The following PPP2R5C variants were observed in gnomAD, a reference collection of about 807,000 sequenced individuals.
PPP2R5C encodes the protein serine/threonine-protein phosphatase 2A 56 kDa regulatory subunit gamma isoform.
Under a neutral mutation model 68.9 loss-of-function variants are expected in PPP2R5C, and 7 were observed. The observed-to-expected ratio is 0.10, with a 90% CI of 0.06 to 0.19. The LOEUF (loss-of-function observed/expected upper bound fraction) is 0.19. PPP2R5C is among the 10% of genes least tolerant of loss of function. PPP2R5C has a pLI of 1.00. For missense variants in PPP2R5C, 348 were observed against 641.3 expected (o/e 0.54, Z 4.94); for synonymous variants, 210 against 222.2 (o/e 0.95, Z 0.49).
intron 3 of PPP2R5C, 65 bp from the exon 6 acceptor site, chr14:101,883,190 TGG>T: frequency 9.0e-7 from 1 of 1,115,884 alleles, no homozygotes; most frequent in Non-Finnish European, 1.3e-6. Context: ...ATTCAATTTC[TGG>T]TATATTTTAA....
chr14:101,911,357 T>C (rs999211187), intron 11 of PPP2R5C, among the ~76,000 whole-genome samples: 2 of 152,186 alleles, frequency 1.3e-5, no homozygotes, highest in Non-Finnish European at 2.9e-5. Context: ...CTAAGTGAAC[T>C]ATAGAGCATG....
intron 1 of PPP2R5C, among the ~76,000 whole-genome samples, chr14:101,831,333 A>G (rs1169099123): frequency 1.3e-5 from 2 of 152,224 alleles, no homozygotes; most frequent in African/African-American, 2.4e-5. Flanking sequence ...AAAGAATTTG[A>G]TAAGGCTTAA....
intron 2 of PPP2R5C, among the ~76,000 whole-genome samples, chr14:101,770,466 C>A (rs1198536897): frequency 6.6e-6 from 1 of 152,166 alleles, no homozygotes; most frequent in African/African-American, 2.4e-5. Context: ...GTGGATGGGA[C>A]AAGATGGAAC....
chr14:101,848,205 T>C (rs2041954716), intron 1 of PPP2R5C, among the ~76,000 whole-genome samples: 1 of 152,156 alleles, frequency 6.6e-6, no homozygotes, highest in Admixed American at 6.5e-5. Flanking sequence ...CTTAAATTCT[T>C]CAGCATGACA....
chr14:101,819,054 G>T, intron 1 of PPP2R5C: 5 of 1,551,460 alleles, frequency 3.2e-6, no homozygotes, highest in Non-Finnish European at 4.4e-6. Flanking sequence ...CTGAGTTGCT[G>T]GTTCTTATTT....
intron 5 of PPP2R5C, among the ~76,000 whole-genome samples, chr14:101,887,521 C>A (rs922124005): frequency 2.0e-5 from 3 of 152,212 alleles, no homozygotes; most frequent in Non-Finnish European, 2.9e-5. Flanking sequence ...CGGTTCTGCT[C>A]CGTGGCGTGT....
At chr14:101,876,048 G>T (rs1414020068) in intron 2 of PPP2R5C, among the ~76,000 whole-genome samples, 2 of 152,146 alleles carry the variant, frequency 1.3e-5, no homozygotes, top group Non-Finnish European at 2.9e-5. Context: ...TCATATTTTT[G>T]ATATTTGCAT....
intron 2 of PPP2R5C, chr14:101,765,049 G>A: frequency 1.6e-6 from 1 of 644,902 alleles, no homozygotes; most frequent in South Asian, 1.7e-5. Flanking sequence ...TCACTACTAT[G>A]TGAAATGTGT....
chr14:101,913,891 AAC>A lies in PPP2R5C; in HGVS notation c.1326+1429_1326+1430del, dbSNP rs202126958. Among the ~76,000 whole-genome samples the A allele has an allele frequency of 7.7e-3, 1,169 of 152,032 alleles. 10 individuals carry two copies. The highest frequency in any genetic ancestry group is 0.014 in the Middle Eastern group (4 of 294). On this transcript the variant is annotated intron_variant, in intron 12 of 13. Transcript: ENST00000334743. The surrounding 1 kb of genome is among the most constrained non-coding windows in gnomAD (Gnocchi z 4.1). ...AGAAATGAATACACACACACACACAAACACACACACACGAATCAGAAGGTCTG... is the reference window on the plus strand; with the variant it reads ...AGAAATGAATACACACACACACACAAACACACACACGAATCAGAAGGTCTG...
chr14:101,780,906 C>T (rs757564182), intron 2 of PPP2R5C, among the ~76,000 whole-genome samples: 4 of 152,188 alleles, frequency 2.6e-5, no homozygotes, highest in Non-Finnish European at 4.4e-5. Context: ...GACCCAGAGT[C>T]CAGGGACTGA....
At chr14:101,814,581 C>A (rs1382102273) in intron 1 of PPP2R5C, among the ~76,000 whole-genome samples, 1 of 152,206 alleles carries the variant, frequency 6.6e-6, no homozygotes, top group Non-Finnish European at 1.5e-5. Flanking sequence ...CAGCTTGGGT[C>A]TAATGTCTGC....
At chr14:101,925,307 G>A (rs777704707) in exon 14 of PPP2R5C, 3 of 1,607,278 alleles carry the variant, frequency 1.9e-6, no homozygotes, top group Non-Finnish European at 2.5e-6. Context: ...GGGCCCGCCA[G>A]TTCTTTTCCG....
At position 101,856,988 on chromosome 14, in the gene PPP2R5C, C is replaced by G. The variant is rs1016735397; in HGVS notation, c.294+103C>G. 2.7e-6 allele frequency: 3 copies of G among 1,105,526 alleles called. No individual in the cohort carries two copies. In the African/African-American group the frequency reaches 4.8e-5, roughly 18 times the overall value. The allele number at this position is 1,105,526 out of a possible 1,614,324, so 68.5% of individuals were successfully genotyped here. ...CAGTGCTACCCAGGAGAAGAATCCT[C>G]CTGTTCCAGAATTTGTAGTTGTGCT... On this transcript the variant is annotated intron_variant, in intron 2 of 13. Coordinates refer to ENST00000334743, the Ensembl canonical transcript of PPP2R5C.
At chr14:101,763,543 C>T (rs528541611) in intron 2 of PPP2R5C, among the ~76,000 whole-genome samples, 7 of 152,176 alleles carry the variant, frequency 4.6e-5, no homozygotes, top group Non-Finnish European at 8.8e-5. Flanking sequence ...CTACCACGCC[C>T]GGCTAATTTT....
intron 1 of PPP2R5C, among the ~76,000 whole-genome samples, chr14:101,856,180 C>T (rs1365363582): frequency 6.6e-6 from 1 of 152,198 alleles, no homozygotes; most frequent in Admixed American, 6.5e-5. Context: ...TGGACAACCA[C>T]CTGCCCTTCC....
At chr14:101,908,955 G>A (rs530541548) in intron 10 of PPP2R5C, among the ~76,000 whole-genome samples, 4 of 152,274 alleles carry the variant, frequency 2.6e-5, no homozygotes, top group East Asian at 1.9e-4. Flanking sequence ...ACAGTCCTGC[G>A]GGTCGAGCAG....
At chr14:101,923,879 C>T (rs1054643544) in intron 13 of PPP2R5C, among the ~76,000 whole-genome samples, 1 of 117,876 alleles carries the variant, frequency 8.5e-6, no homozygotes, top group Non-Finnish European at 1.8e-5. Context: ...ACATCCATGT[C>T]AAAATCAGAC....
At chr14:101,903,069 C>G (rs1254540134) in intron 9 of PPP2R5C, among the ~76,000 whole-genome samples, 3 of 139,284 alleles carry the variant, frequency 2.2e-5, no homozygotes, top group African/African-American at 8.1e-5. Flanking sequence ...TAATGTTTCT[C>G]AAGGCTTTCA....
chr14:101,809,889 T>A (rs1158888641), upstream of PPP2R5C: 1 of 1,581,380 alleles, frequency 6.3e-7, no homozygotes, highest in South Asian at 1.2e-5. Context: ...TAAACTAAAA[T>A]GGAGGCTGGT....
Sources: gnomAD v4.1 joint callset for allele counts (sites outside exome capture counted in the v4.1 genomes callset) on GRCh38, gnomAD v4.1.1 for gene constraint, Gnocchi (gnomAD v3.1) non-coding constraint, MANE v1.5 for transcripts, NCBI Gene and HGNC (gene_info 2026-07-23, HGNC 2026-07-21) for gene names.